Variants in IQGAP2 observed in about 807,000 individuals in gnomAD.
The protein encoded by IQGAP2 is IQ motif containing GTPase activating protein 2, also known as ras GTPase-activating-like protein IQGAP2.
IQGAP2 carries 173 observed loss-of-function variants against 201.3 expected under a neutral mutation model. The observed-to-expected ratio is 0.86, with a 90% confidence interval of 0.76 to 0.98. IQGAP2 has a LOEUF of 0.98. Ranked by LOEUF, IQGAP2 falls within the 50% of genes least tolerant of loss-of-function variation. The pLI, the probability that IQGAP2 is intolerant of heterozygous loss-of-function variation, is 0.00. For synonymous variants in IQGAP2, 675 were observed against 673.9 expected (o/e 1.00, Z -0.03); for missense variants, 1,687 against 1,864.8 (o/e 0.90, Z 1.76).
At chr5:76,694,320 G>A (rs918813263) in intron 31 of IQGAP2, among the ~76,000 whole-genome samples, 3 of 152,066 alleles carry the variant, frequency 2.0e-5, no homozygotes, top group Non-Finnish European at 2.9e-5. Flanking sequence ...CAAATCACAC[G>A]TTTGTTAATA....
intron 5 of IQGAP2, among the ~76,000 whole-genome samples, chr5:76,578,635 T>C (rs1470443136): frequency 1.3e-5 from 2 of 152,200 alleles, no homozygotes; most frequent in East Asian, 1.9e-4. Context: ...TCTAAAGAAA[T>C]GTTTGTCTTT....
At chr5:76,695,406 A>C (rs1362898446) in intron 31 of IQGAP2, 48 bp from the exon 32 acceptor site, 1 of 1,507,350 alleles carries the variant, frequency 6.6e-7, no homozygotes, top group Non-Finnish European at 9.2e-7. Flanking sequence ...ATGAACTGTG[A>C]AATTAGGGGA....
intron 1 of IQGAP2, among the ~76,000 whole-genome samples, chr5:76,405,754 G>A (rs1331231302): frequency 6.6e-6 from 1 of 152,090 alleles, no homozygotes; most frequent in Admixed American, 6.5e-5. Flanking sequence ...ACTGAAAATC[G>A]TGCTGTGAGC....
chr5:76,614,676 C>G (rs934908191), intron 13 of IQGAP2, among the ~76,000 whole-genome samples: 6 of 127,526 alleles, frequency 4.7e-5, no homozygotes, highest in Non-Finnish European at 6.3e-5. Flanking sequence ...TCTCAAACTC[C>G]TGGGCTCAAG....
At chr5:76,518,803 G>A (rs2150191698) in intron 2 of IQGAP2, among the ~76,000 whole-genome samples, 1 of 152,178 alleles carries the variant, frequency 6.6e-6, no homozygotes. Flanking sequence ...AGTTCTTTGG[G>A]AGAACTTTAA....
intron 17 of IQGAP2, among the ~76,000 whole-genome samples, chr5:76,642,301 C>T (rs963217137): frequency 6.6e-6 from 1 of 152,232 alleles, no homozygotes; most frequent in South Asian, 2.1e-4. Context: ...CCACAGAGCC[C>T]ACCAGTACAG....
intron 1 of IQGAP2, among the ~76,000 whole-genome samples, chr5:76,409,241 C>CTTTTTTTTTT (rs35574851): frequency 1.3e-5 from 1 of 79,368 alleles, no homozygotes; most frequent in East Asian, 4.2e-4. Flanking sequence ...AATACATGGG[C>CTTTTTTTTTT]TTTTTTTTTT....
At chr5:76,599,196 A>G (rs1332481547) in intron 10 of IQGAP2, among the ~76,000 whole-genome samples, 1 of 152,166 alleles carries the variant, frequency 6.6e-6, no homozygotes, top group African/African-American at 2.4e-5. Context: ...AACCTGGGCA[A>G]CATAGGCCTC....
At chr5:76,648,997 T>A (rs1752306327) in intron 17 of IQGAP2, among the ~76,000 whole-genome samples, 1 of 152,106 alleles carries the variant, frequency 6.6e-6, no homozygotes. Context: ...GTACTTGAAA[T>A]AAAAGTGGAA....
chr5:76,662,184 A>C (rs1170540261), intron 21 of IQGAP2, among the ~76,000 whole-genome samples: 1 of 152,218 alleles, frequency 6.6e-6, no homozygotes, highest in Non-Finnish European at 1.5e-5. Context: ...AAGAGGGGCT[A>C]TCCCCATTGC....
At position 76,452,658 on chromosome 5, in the gene IQGAP2, G is replaced by A. The variant is rs1438448456; in HGVS notation, c.47-8912G>A. 5.3e-5 allele frequency among the ~76,000 whole-genome samples: 8 copies of A among 152,004 alleles called. 1 individual carries two copies. The South Asian group carries it at 6.2e-4, about 12-fold the overall frequency. ...TTAACAAGATATCTATAATAATAGC[G>A]ACACTCTCAGAAAAGCAACACCCTC... On this transcript the variant is annotated intron_variant, in intron 1 of 35. Coordinates refer to ENST00000274364, the MANE Select transcript of IQGAP2 (RefSeq NM_006633.5).
chr5:76,416,594 C>G lies in IQGAP2; in HGVS notation c.46+13003C>G, dbSNP rs1751417626. ...AGGCTGGAGTGTGCAGTGGCGCGATCTTGGCTCACTGCAGTCTCCGCCTCC... is the reference window on the plus strand; with the variant it reads ...AGGCTGGAGTGTGCAGTGGCGCGATGTTGGCTCACTGCAGTCTCCGCCTCC... On this transcript the variant is annotated intron_variant, in intron 1 of 35. Transcript: ENST00000274364. 2.0e-5 allele frequency among the ~76,000 whole-genome samples: 3 copies of G among 150,952 alleles called. No individual in the cohort carries two copies. In the South Asian group the frequency reaches 6.3e-4, roughly 31 times the overall value.
At chr5:76,579,527 C>G (rs920773213) in intron 5 of IQGAP2, among the ~76,000 whole-genome samples, 2 of 152,226 alleles carry the variant, frequency 1.3e-5, no homozygotes, top group East Asian at 3.9e-4. Context: ...ACCCCTGCCC[C>G]CCTTCCCCAT....
intron 2 of IQGAP2, among the ~76,000 whole-genome samples, chr5:76,556,696 G>T (rs1336167277): frequency 6.6e-6 from 1 of 152,132 alleles, no homozygotes; most frequent in African/African-American, 2.4e-5. Context: ...TAAGTACCCA[G>T]TCTGACTGGT....
chr5:76,500,304 G>A (rs1185092800), intron 2 of IQGAP2, among the ~76,000 whole-genome samples: 1 of 152,204 alleles, frequency 6.6e-6, no homozygotes, highest in East Asian at 1.9e-4. Context: ...TAGAGGTAGG[G>A]ACCTAAGAAA....
intron 1 of IQGAP2, among the ~76,000 whole-genome samples, chr5:76,452,020 G>A (rs962775265): frequency 1.3e-5 from 2 of 151,864 alleles, no homozygotes; most frequent in Admixed American, 6.6e-5. Context: ...CTGGGCAACA[G>A]AATGAGACTG....
At chr5:76,568,422 A>G (rs762530530) in intron 3 of IQGAP2, among the ~76,000 whole-genome samples, 1 of 152,172 alleles carries the variant, frequency 6.6e-6, no homozygotes, top group Non-Finnish European at 1.5e-5. Context: ...ATATTCTCAG[A>G]TTAATCTCTG....
At chr5:76,427,633 G>A (rs1752084443) in intron 1 of IQGAP2, among the ~76,000 whole-genome samples, 2 of 152,162 alleles carry the variant, frequency 1.3e-5, no homozygotes, top group South Asian at 2.1e-4. Context: ...TTGAATGCGC[G>A]TGTGTCATGT....
intron 2 of IQGAP2, among the ~76,000 whole-genome samples, chr5:76,517,333 T>G (rs1758391236): frequency 6.6e-6 from 1 of 152,164 alleles, no homozygotes; most frequent in South Asian, 2.1e-4. Context: ...TTAAACCCAC[T>G]CACCATTGCC....
Sources: allele counts gnomAD v4.1 joint callset (sites outside exome capture counted in the v4.1 genomes callset), GRCh38; gene constraint gnomAD v4.1.1; transcripts MANE v1.5; gene names NCBI Gene and HGNC (gene_info 2026-07-23, HGNC 2026-07-21).